Variants in SLC29A3 observed in about 807,000 individuals in gnomAD.
SLC29A3 encodes the protein solute carrier family 29 member 3.
Under a neutral mutation model 25.4 loss-of-function variants are expected in SLC29A3, and 18 were observed. The observed-to-expected ratio is 0.71, with a 90% CI of 0.49 to 1.05. The LOEUF (loss-of-function observed/expected upper bound fraction) is 1.05, where lower values mean the gene tolerates loss of function less well. Ranked by LOEUF, SLC29A3 falls within the 50% of genes least tolerant of loss-of-function variation. SLC29A3 has a pLI of 0.00. For missense variants in SLC29A3, 586 were observed against 609.0 expected (o/e 0.96, Z 0.40); for synonymous variants, 258 against 267.1 (o/e 0.97, Z 0.33).
chr10:71,342,780 A>G (rs56066650), intron 2 of SLC29A3, among the ~76,000 whole-genome samples: 62,354 of 152,138 alleles, frequency 0.41, 12,880 homozygotes, highest in African/African-American at 0.43. Flanking sequence ...TCAGGGCAGG[A>G]ACAATGAGGT....
At chr10:71,374,517 T>TGG (rs1471909980) in intron 3 of SLC29A3, among the ~76,000 whole-genome samples, 1 of 151,166 alleles carries the variant, frequency 6.6e-6, no homozygotes, top group Non-Finnish European at 1.5e-5. Context: ...GGCTCCATGT[T>TGG]GGGGTGTGTG....
chr10:71,378,048 A>G (rs1847273390), intron 4 of SLC29A3, among the ~76,000 whole-genome samples: 1 of 134,836 alleles, frequency 7.4e-6, no homozygotes, highest in Admixed American at 7.5e-5. Flanking sequence ...CTACTAGGCC[A>G]TGCAGGGCCA....
At chr10:71,347,251 T>C (rs762567380) in intron 3 of SLC29A3, among the ~76,000 whole-genome samples, 1 of 152,142 alleles carries the variant, frequency 6.6e-6, no homozygotes, top group Non-Finnish European at 1.5e-5. Flanking sequence ...TAAATACTTA[T>C]GAGGAGGATT....
intron 2 of SLC29A3, among the ~76,000 whole-genome samples, chr10:71,328,475 T>C (rs1846024414): frequency 6.6e-6 from 1 of 152,168 alleles, no homozygotes; most frequent in Admixed American, 6.5e-5. Context: ...CATTATCTCA[T>C]GCAGCGCTGC....
At chr10:71,346,824 C>T (rs954254123) in intron 3 of SLC29A3, among the ~76,000 whole-genome samples, 1 of 152,158 alleles carries the variant, frequency 6.6e-6, no homozygotes, top group Non-Finnish European at 1.5e-5. Context: ...CTCCCAAGAT[C>T]CTTCTAGTGA....
At chr10:71,334,936 G>A (rs2131813015) in intron 2 of SLC29A3, among the ~76,000 whole-genome samples, 1 of 149,058 alleles carries the variant, frequency 6.7e-6, no homozygotes, top group South Asian at 2.1e-4. Flanking sequence ...CCCCCCACTT[G>A]CTGTTGACTC....
intron 3 of SLC29A3, among the ~76,000 whole-genome samples, chr10:71,373,732 A>G (rs562894193): frequency 8.5e-5 from 13 of 152,326 alleles, no homozygotes; most frequent in Admixed American, 2.0e-4. Context: ...CCCTTCTGCC[A>G]TGCTCTGGGT....
chr10:71,378,008 T>A (rs1847273235), intron 4 of SLC29A3, among the ~76,000 whole-genome samples: 1 of 149,202 alleles, frequency 6.7e-6, no homozygotes, highest in African/African-American at 2.5e-5. Flanking sequence ...TGGACACTCA[T>A]TTCAGTTCAG....
intron 2 of SLC29A3, among the ~76,000 whole-genome samples, chr10:71,340,808 C>A (rs762771814): frequency 3.3e-5 from 5 of 152,188 alleles, no homozygotes; most frequent in Non-Finnish European, 5.9e-5. Flanking sequence ...AGTAAATAAT[C>A]AAGAGTGGAA....
chr10:71,325,285 A>G (rs1018669074), intron 2 of SLC29A3, among the ~76,000 whole-genome samples: 5 of 152,146 alleles, frequency 3.3e-5, no homozygotes, highest in Non-Finnish European at 5.9e-5. Flanking sequence ...GCAGCTACAC[A>G]TGTGGGTCAC....
At chr10:71,368,738 G>T (rs72810392) in intron 3 of SLC29A3, among the ~76,000 whole-genome samples, 1,840 of 152,242 alleles carry the variant, frequency 0.012, 12 homozygotes, top group Middle Eastern at 0.031. Context: ...TTCCAACGGG[G>T]TTCCAAGAGC....
intron 3 of SLC29A3, among the ~76,000 whole-genome samples, chr10:71,345,015 A>G (rs1846529292): frequency 6.6e-6 from 1 of 152,202 alleles, no homozygotes; most frequent in Non-Finnish European, 1.5e-5. Flanking sequence ...ATCAATTTGT[A>G]GTGACTGCCA....
chr10:71,356,087 C>G lies in SLC29A3; in HGVS notation c.617C>G (p.Ala206Gly), dbSNP rs779297305. The G allele has an allele frequency of 6.2e-7, 1 of 1,613,944 alleles. No individual in the cohort carries two copies. Among genetic ancestry groups the G allele is most frequent in the Non-Finnish European group, 8.5e-7 (1 of 1,180,038 alleles). ...TGTCCTCTGTTCTCTGCAGGAGGAG[C>G]CATGGGCGGGACGGTCAGCGCCGTG... ...RNSQALISGG[A>G]MGGTVSAVAS... Residue 206 changes from alanine to glycine, a missense_variant, in exon 5 of 6, where the codon GCC (alanine) becomes GGC (glycine). Transcript: ENST00000373189.
chr10:71,346,874 G>C (rs1378769648), intron 3 of SLC29A3, among the ~76,000 whole-genome samples: 2 of 152,208 alleles, frequency 1.3e-5, no homozygotes, highest in Non-Finnish European at 2.9e-5. Flanking sequence ...TGCGATGGAA[G>C]GGGGTGGTTA....
Position 71,322,898 on chromosome 10 carries a change from C to T in SLC29A3, c.144C>T (p.Asp48=), listed in dbSNP as rs1845883638. 1.9e-6 allele frequency: 3 copies of T among 1,614,122 alleles called. No individual in the cohort carries two copies. Among genetic ancestry groups the T allele is most frequent in the Non-Finnish European group, 2.5e-6 (3 of 1,180,058 alleles). ...RPPPGLQRPE[D]RFCGTYIIFF... Reference sequence around the variant, plus strand: ...CCCCTGGCCTGCAGAGGCCCGAGGACCGCTTCTGTGGCACATACATCATCT... The same window carrying T: ...CCCCTGGCCTGCAGAGGCCCGAGGATCGCTTCTGTGGCACATACATCATCT... Residue 48 remains aspartate, a synonymous_variant, in exon 2 of 6, where the codon GAC becomes GAT. Transcript: ENST00000373189.
downstream of SLC29A3, among the ~76,000 whole-genome samples, chr10:71,367,213 C>A (rs1279048104): frequency 6.8e-6 from 1 of 148,092 alleles, no homozygotes; most frequent in African/African-American, 2.5e-5. Context: ...GATGGTAGAG[C>A]CTGGAGATGA....
At chr10:71,319,514 C>G in intron 1 of SLC29A3, 2 of 423,822 alleles carry the variant, frequency 4.7e-6, no homozygotes, top group Non-Finnish European at 8.3e-6. Context: ...TCTCTATCTT[C>G]TCTTCCCCAA....
intron 5 of SLC29A3, among the ~76,000 whole-genome samples, chr10:71,361,742 C>T (rs773321842): frequency 5.9e-5 from 9 of 152,230 alleles, no homozygotes; most frequent in East Asian, 1.9e-4. Context: ...GCATGGCCAC[C>T]GCGCTGGCAG....
chr10:71,381,039 A>C (rs902581023), exon 5 of SLC29A3: 1 of 152,196 alleles, frequency 6.6e-6, no homozygotes, highest in African/African-American at 2.4e-5. Flanking sequence ...CCTGCCTCCT[A>C]GTATTAATTT....
Sources: gnomAD v4.1 joint callset for allele counts (sites outside exome capture counted in the v4.1 genomes callset) on GRCh38, gnomAD v4.1.1 for gene constraint, MANE v1.5 for transcripts, NCBI Gene and HGNC (gene_info 2026-07-23, HGNC 2026-07-21) for gene names.